CDK14: variants seen among roughly 807,000 people sequenced by gnomAD.
CDK14 encodes the protein cyclin dependent kinase 14.
A neutral mutation model predicts 60.7 loss-of-function variants in CDK14; 34 were observed. The ratio of observed to expected loss-of-function variants is 0.56; its 90% CI spans 0.43 to 0.75. The LOEUF is 0.75. CDK14 is among the 30% of genes least tolerant of loss of function. The pLI, the probability that CDK14 is intolerant of heterozygous loss-of-function variation, is 0.00. For missense variants in CDK14, 482 were observed against 564.1 expected, an observed-to-expected ratio of 0.85 and a Z score of 1.47; for synonymous variants, 197 against 203.7, an observed-to-expected ratio of 0.97 and a Z score of 0.28.
intron 2 of CDK14, among the ~76,000 whole-genome samples, chr7:90,605,431 G>T (rs10260104): frequency 5.7e-4 from 87 of 152,330 alleles, no homozygotes; most frequent in African/African-American, 1.9e-3. Context: ...TAGGCTTGAA[G>T]CAATAGAGGA....
At chr7:91,079,701 T>TTTC (rs770957251) in intron 12 of CDK14, among the ~76,000 whole-genome samples, 5 of 152,208 alleles carry the variant, frequency 3.3e-5, no homozygotes, top group Non-Finnish European at 7.3e-5. Flanking sequence ...GTGGCATTGC[T>TTTC]TCAGAACTGT....
At chr7:90,665,946 A>G (rs1216573577) in intron 2 of CDK14, among the ~76,000 whole-genome samples, 1 of 152,230 alleles carries the variant, frequency 6.6e-6, no homozygotes, top group African/African-American at 2.4e-5. Context: ...ACCAAAAGGA[A>G]CTATAGGTGT....
chr7:90,752,421 T>C (rs1803882826), intron 4 of CDK14, among the ~76,000 whole-genome samples: 1 of 152,156 alleles, frequency 6.6e-6, no homozygotes, highest in Non-Finnish European at 1.5e-5. Context: ...GAATAACTTT[T>C]GATTAAACAA....
intron 5 of CDK14, among the ~76,000 whole-genome samples, chr7:90,826,453 A>G (rs1219981057): frequency 6.6e-6 from 1 of 151,934 alleles, no homozygotes; most frequent in Non-Finnish European, 1.5e-5. Flanking sequence ...ACCTGACCTC[A>G]TGATCTGCCC....
chr7:90,697,300 G>T (rs1242250627), intron 2 of CDK14, among the ~76,000 whole-genome samples: 1 of 152,044 alleles, frequency 6.6e-6, no homozygotes, highest in East Asian at 1.9e-4. Flanking sequence ...ATCTACAGTC[G>T]CTATAACATG....
At chr7:90,699,506 T>C (rs1432997635) in intron 2 of CDK14, among the ~76,000 whole-genome samples, 1 of 152,206 alleles carries the variant, frequency 6.6e-6, no homozygotes, top group Admixed American at 6.5e-5. Flanking sequence ...GGAACACAGA[T>C]TTGTCTGATC....
chr7:91,181,777 T>C (rs75156364), intron 14 of CDK14, among the ~76,000 whole-genome samples: 11 of 152,196 alleles, frequency 7.2e-5, no homozygotes, highest in Admixed American at 5.9e-4. Context: ...TGACCCCTTT[T>C]GACCAGACCC....
At chr7:91,082,201 G>A (rs914453755) in intron 12 of CDK14, among the ~76,000 whole-genome samples, 1 of 152,192 alleles carries the variant, frequency 6.6e-6, no homozygotes, top group Non-Finnish European at 1.5e-5. Flanking sequence ...AGAAGCCTTA[G>A]TGTATGCTCT....
At chr7:91,069,274 C>T (rs1035724397) in intron 11 of CDK14, among the ~76,000 whole-genome samples, 6 of 152,150 alleles carry the variant, frequency 3.9e-5, no homozygotes, top group Non-Finnish European at 7.4e-5. Flanking sequence ...CACAGCGGCT[C>T]GTGCTTGTAA....
chr7:91,094,855 C>T (rs1798934843), intron 12 of CDK14, among the ~76,000 whole-genome samples: 3 of 152,196 alleles, frequency 2.0e-5, no homozygotes, highest in African/African-American at 4.8e-5. Flanking sequence ...CCCAACCCCA[C>T]ATCCACAACC....
At chr7:90,925,042 CT>C (rs893833974) in intron 8 of CDK14, among the ~76,000 whole-genome samples, 2 of 151,568 alleles carry the variant, frequency 1.3e-5, no homozygotes, top group Non-Finnish European at 2.9e-5. Context: ...GTCTGAAAAA[CT>C]TTTTTTTTAT....
chr7:91,187,539 G>A (rs1321173400), intron 14 of CDK14, among the ~76,000 whole-genome samples: 1 of 152,204 alleles, frequency 6.6e-6, no homozygotes, highest in Non-Finnish European at 1.5e-5. Flanking sequence ...TGCTGAAGTG[G>A]CATCGTTGTC....
At chr7:91,118,673 A>G (rs1799685983) in intron 14 of CDK14, among the ~76,000 whole-genome samples, 1 of 152,214 alleles carries the variant, frequency 6.6e-6, no homozygotes, top group Admixed American at 6.5e-5. Flanking sequence ...CATTCCTACC[A>G]GAAGTGTTTG....
chr7:90,656,014 G>C (rs947288974), intron 2 of CDK14, among the ~76,000 whole-genome samples: 4 of 152,174 alleles, frequency 2.6e-5, no homozygotes, highest in Non-Finnish European at 4.4e-5. Context: ...ATGTTATAAA[G>C]GTGGATTAGC....
At chr7:90,611,295 C>T (rs968432945) in intron 2 of CDK14, among the ~76,000 whole-genome samples, 14 of 152,194 alleles carry the variant, frequency 9.2e-5, no homozygotes, top group East Asian at 3.9e-4. Context: ...GTACACTTGA[C>T]GTCAGTGTGG....
At chr7:91,134,359 G>A (rs1800207289) in intron 14 of CDK14, among the ~76,000 whole-genome samples, 1 of 151,964 alleles carries the variant, frequency 6.6e-6, no homozygotes, top group African/African-American at 2.4e-5. Context: ...TGGCATTGTT[G>A]ACCTACCTGC....
intron 14 of CDK14, among the ~76,000 whole-genome samples, chr7:91,168,211 G>A (rs149938246): frequency 0.017 from 2,493 of 148,346 alleles, 68 homozygotes; most frequent in African/African-American, 0.058. Flanking sequence ...GCAGTGAGCC[G>A]AGACCATGCC....
chr7:90,811,837 T>C (rs1044722424), intron 5 of CDK14, among the ~76,000 whole-genome samples: 1 of 152,164 alleles, frequency 6.6e-6, no homozygotes, highest in Non-Finnish European at 1.5e-5. Flanking sequence ...AAAAGAAGAC[T>C]TTTGTACAAC....
chr7:90,655,223 C>G (rs1800727588), intron 2 of CDK14, among the ~76,000 whole-genome samples: 1 of 152,132 alleles, frequency 6.6e-6, no homozygotes. Context: ...GTTTGTTTCT[C>G]CATTTACCCA....
Sources: gnomAD v4.1 joint callset for allele counts (sites outside exome capture counted in the v4.1 genomes callset) on GRCh38, gnomAD v4.1.1 for gene constraint, MANE v1.5 for transcripts, NCBI Gene and HGNC (gene_info 2026-07-23, HGNC 2026-07-21) for gene names.